KIF6: variants seen among roughly 807,000 people sequenced by gnomAD.
The protein encoded by KIF6 is kinesin family member 6, also known as kinesin-like protein KIF6.
KIF6 carries 106 observed loss-of-function variants against 112.7 expected under a neutral mutation model. That is an observed-to-expected ratio of 0.94 (90% CI 0.80 to 1.11). KIF6 has a LOEUF of 1.11. Among genes scored for constraint, KIF6 ranks in the 50% least tolerant of loss-of-function variants. KIF6 has a pLI of 0.00. For missense variants in KIF6, 929 were observed against 964.0 expected (o/e 0.96, Z 0.48); for synonymous variants, 339 against 339.9 (o/e 1.00, Z 0.03).
intron 15 of KIF6, among the ~76,000 whole-genome samples, chr6:39,401,327 C>T (rs1581771452): frequency 6.6e-6 from 1 of 152,322 alleles, no homozygotes; most frequent in East Asian, 1.9e-4. Flanking sequence ...ACACCCCATA[C>T]CCCCTATCTT....
At chr6:39,693,861 A>C (rs543776902) in intron 3 of KIF6, among the ~76,000 whole-genome samples, 1 of 152,132 alleles carries the variant, frequency 6.6e-6, no homozygotes. Flanking sequence ...GCAAAGACAC[A>C]ACAAAAAAGA....
intron 13 of KIF6, among the ~76,000 whole-genome samples, chr6:39,510,651 A>T (rs1776722032): frequency 6.6e-6 from 1 of 152,158 alleles, no homozygotes; most frequent in African/African-American, 2.4e-5. Context: ...TAGGCAAAAT[A>T]ACCAGCTAGC....
intron 3 of KIF6, among the ~76,000 whole-genome samples, chr6:39,649,607 C>T (rs761072288): frequency 5.9e-5 from 9 of 152,124 alleles, no homozygotes; most frequent in South Asian, 2.1e-4. Flanking sequence ...GATACCACCA[C>T]TCCATCTGGC....
intron 3 of KIF6, among the ~76,000 whole-genome samples, chr6:39,679,130 A>G (rs1787350473): frequency 6.6e-6 from 1 of 152,262 alleles, no homozygotes; most frequent in Admixed American, 6.5e-5. Flanking sequence ...ATTTGTATAC[A>G]CAATTAGAGT....
At chr6:39,702,339 T>C (rs1788921580) in intron 3 of KIF6, among the ~76,000 whole-genome samples, 1 of 152,174 alleles carries the variant, frequency 6.6e-6, no homozygotes, top group South Asian at 2.1e-4. Context: ...TGACCTCCTA[T>C]ACCATAAGCA....
chr6:39,624,289 A>C (rs1783974471), intron 5 of KIF6, among the ~76,000 whole-genome samples: 1 of 152,220 alleles, frequency 6.6e-6, no homozygotes, highest in South Asian at 2.1e-4. Flanking sequence ...AAAAGAGCTA[A>C]TTGAGATTCT....
intron 13 of KIF6, among the ~76,000 whole-genome samples, chr6:39,518,492 G>A (rs1216484050): frequency 1.3e-5 from 2 of 152,146 alleles, no homozygotes. Context: ...TTTACTGAGA[G>A]TTTTACTTTA....
intron 13 of KIF6, among the ~76,000 whole-genome samples, chr6:39,496,842 C>A (rs1192232335): frequency 6.6e-6 from 1 of 152,218 alleles, no homozygotes; most frequent in African/African-American, 2.4e-5. Flanking sequence ...CAAGACCCTT[C>A]ACAAAATTAA....
intron 10 of KIF6, among the ~76,000 whole-genome samples, chr6:39,566,912 C>G (rs942374277): frequency 3.3e-5 from 5 of 152,056 alleles, no homozygotes; most frequent in Non-Finnish European, 7.4e-5. Flanking sequence ...TAAGAATGAC[C>G]TTTAATTTTC....
At chr6:39,536,241 C>CA (rs1215033939) in intron 13 of KIF6, among the ~76,000 whole-genome samples, 20 of 150,848 alleles carry the variant, frequency 1.3e-4, no homozygotes, top group Non-Finnish European at 3.0e-4. Context: ...AATAGAGACA[C>CA]AAAAAAACCC....
chr6:39,391,490 C>T (rs373546071), intron 15 of KIF6, among the ~76,000 whole-genome samples: 6 of 152,178 alleles, frequency 3.9e-5, no homozygotes, highest in East Asian at 1.9e-4. Context: ...CAGCTGCTCA[C>T]GGGCTCTATA....
intron 3 of KIF6, among the ~76,000 whole-genome samples, chr6:39,695,907 C>T (rs1261689887): frequency 6.6e-6 from 1 of 152,140 alleles, no homozygotes; most frequent in African/African-American, 2.4e-5. Flanking sequence ...AGGTGCCCAT[C>T]AACGGTGGAC....
chr6:39,415,816 G>C (rs1463386369), intron 15 of KIF6, among the ~76,000 whole-genome samples: 1 of 152,072 alleles, frequency 6.6e-6, no homozygotes, highest in Non-Finnish European at 1.5e-5. Context: ...ATGTACAAGA[G>C]AAACATTTTT....
chr6:39,636,940 T>C (rs1784649148), intron 4 of KIF6, among the ~76,000 whole-genome samples: 2 of 152,054 alleles, frequency 1.3e-5, no homozygotes, highest in Admixed American at 1.3e-4. Context: ...GATCTTGCAT[T>C]CTGTTATAAC....
chr6:39,504,288 A>G (rs905286468), intron 13 of KIF6, among the ~76,000 whole-genome samples: 11 of 152,178 alleles, frequency 7.2e-5, no homozygotes, highest in Admixed American at 5.2e-4. Flanking sequence ...CAGAAAAAAC[A>G]TTCAATAAAA....
intron 10 of KIF6, among the ~76,000 whole-genome samples, chr6:39,569,560 G>A (rs985479388): frequency 1.3e-5 from 2 of 152,164 alleles, no homozygotes; most frequent in Non-Finnish European, 2.9e-5. Context: ...TGTTTGATTA[G>A]CCAATAAAAA....
At chr6:39,594,300 A>G (rs1305598606) in intron 7 of KIF6, among the ~76,000 whole-genome samples, 1 of 152,198 alleles carries the variant, frequency 6.6e-6, no homozygotes, top group Non-Finnish European at 1.5e-5. Context: ...CTAATTTTGC[A>G]TGAACAGATG....
chr6:39,665,472 T>C (rs1786412048), intron 3 of KIF6, among the ~76,000 whole-genome samples: 3 of 152,148 alleles, frequency 2.0e-5, no homozygotes, highest in South Asian at 4.1e-4. Flanking sequence ...AACTCTAGTA[T>C]TGGAAATGAT....
intron 16 of KIF6, among the ~76,000 whole-genome samples, chr6:39,376,314 T>C (rs1003929654): frequency 6.6e-5 from 10 of 152,092 alleles, no homozygotes; most frequent in Admixed American, 3.3e-4. Context: ...AGGTTGCGAG[T>C]GTTTTCTGCA....
Sources: allele counts gnomAD v4.1 joint callset (sites outside exome capture counted in the v4.1 genomes callset), GRCh38; gene constraint gnomAD v4.1.1; transcripts MANE v1.5; gene names NCBI Gene and HGNC (gene_info 2026-07-23, HGNC 2026-07-21).